COL28A1: variants seen among roughly 807,000 people sequenced by gnomAD.
The protein encoded by COL28A1 is collagen alpha-1(XXVIII) chain.
Under a neutral mutation model 150.2 loss-of-function variants are expected in COL28A1, and 161 were observed. That is an observed-to-expected ratio of 1.07 (90% confidence interval 0.94 to 1.22). The LOEUF is 1.22. Among genes scored for constraint, COL28A1 ranks in the 50% most tolerant of loss-of-function variants. The probability of loss-of-function intolerance (pLI) is 0.00; values close to 1 mark genes in which losing one functional copy is unlikely to be tolerated. For synonymous variants in COL28A1, 552 were observed against 469.7 expected (o/e 1.18, Z -2.26); for missense variants, 1,617 against 1,388.3 (o/e 1.16, Z -2.62).
chr7:7,382,688 C>T (rs1314678603), intron 27 of COL28A1, among the ~76,000 whole-genome samples: 10 of 152,104 alleles, frequency 6.6e-5, no homozygotes, highest in South Asian at 2.1e-4. Context: ...ACGGGCTCCT[C>T]GGGATTGATC....
chr7:7,466,487 A>G (rs1788091196), intron 15 of COL28A1, among the ~76,000 whole-genome samples: 1 of 99,566 alleles, frequency 1.0e-5, no homozygotes. Flanking sequence ...TGATTGGTGT[A>G]CCTGAAAGTG....
chr7:7,537,659 G>A (rs752374430), upstream of COL28A1, among the ~76,000 whole-genome samples: 1 of 152,172 alleles, frequency 6.6e-6, no homozygotes, highest in Non-Finnish European at 1.5e-5. Context: ...GAACGTCTGT[G>A]TTTTCACTGT....
intron 27 of COL28A1, among the ~76,000 whole-genome samples, chr7:7,409,817 G>C (rs1444592331): frequency 2.0e-5 from 3 of 152,082 alleles, no homozygotes; most frequent in African/African-American, 7.2e-5. Flanking sequence ...CAGCAAATCT[G>C]TGACTGTCAC....
chr7:7,416,160 A>G (rs1401826245), intron 27 of COL28A1, among the ~76,000 whole-genome samples: 1 of 152,210 alleles, frequency 6.6e-6, no homozygotes, highest in Non-Finnish European at 1.5e-5. Flanking sequence ...GCATCAGGCT[A>G]CAGCCCTAAG....
chr7:7,487,592 G>T (rs940966289), intron 13 of COL28A1, among the ~76,000 whole-genome samples: 2 of 152,102 alleles, frequency 1.3e-5, no homozygotes, highest in Non-Finnish European at 1.5e-5. Flanking sequence ...AATTAATTAT[G>T]ACTTATTTCT....
At chr7:7,523,499 T>A (rs924641640) in intron 4 of COL28A1, among the ~76,000 whole-genome samples, 1 of 152,000 alleles carries the variant, frequency 6.6e-6, no homozygotes, top group Non-Finnish European at 1.5e-5. Context: ...CATAATGGTA[T>A]ATCCGAACAT....
At chr7:7,506,566 T>G (rs759284202) in intron 10 of COL28A1, among the ~76,000 whole-genome samples, 3 of 152,140 alleles carry the variant, frequency 2.0e-5, no homozygotes, top group Non-Finnish European at 4.4e-5. Context: ...AATACTGAAA[T>G]TAACTCCTCA....
At chr7:7,348,259 CTA>C in the COL28A1 span, among the ~76,000 whole-genome samples, 1 of 152,030 alleles carries the variant, frequency 6.6e-6, no homozygotes, top group Non-Finnish European at 1.5e-5. Flanking sequence ...TCTAGCTGCT[CTA>C]TGAGTTACGT....
intron 15 of COL28A1, among the ~76,000 whole-genome samples, chr7:7,461,960 C>A (rs376021433): frequency 8.9e-4 from 136 of 152,248 alleles, no homozygotes; most frequent in African/African-American, 3.1e-3. Context: ...ACTAACCAAC[C>A]AAAGCTAAGG....
Position 7,511,153 on chromosome 7 carries a change from G to A in COL28A1, c.883-18C>T. 1 of 1,594,846 alleles carries A rather than the reference G, an allele frequency of 6.3e-7. No individual in the cohort carries two copies. Among genetic ancestry groups the A allele is most frequent in the Non-Finnish European group, 8.6e-7 (1 of 1,163,172 alleles). ...CGTTCACCCTAAAAAATAAATAAGT[G>A]AAATAAATAAGAGAACACTTGCAGT... On this transcript the variant is annotated intron_variant, in intron 8 of 34. Coordinates refer to ENST00000399429, the MANE Select transcript of COL28A1 (RefSeq NM_001037763.3).
At chr7:7,408,799 G>T (rs1001477438) in intron 27 of COL28A1, among the ~76,000 whole-genome samples, 7 of 152,106 alleles carry the variant, frequency 4.6e-5, no homozygotes, top group Non-Finnish European at 1.0e-4. Flanking sequence ...AGGAAAAAAA[G>T]ACCTCACTTT....
downstream of COL28A1, among the ~76,000 whole-genome samples, chr7:7,354,074 C>T (rs1352028331): frequency 2.0e-5 from 3 of 151,506 alleles, no homozygotes; most frequent in Admixed American, 1.3e-4. Flanking sequence ...CTGACTGCAA[C>T]CTTGACCTCT....
At chr7:7,534,204 AG>A in intron 1 of COL28A1, among the ~76,000 whole-genome samples, 2 of 152,318 alleles carry the variant, frequency 1.3e-5, no homozygotes, top group Middle Eastern at 6.8e-3. Flanking sequence ...AACTTTGGAT[AG>A]GTATGACCAA....
At chr7:7,497,074 G>A (rs905287439) in intron 11 of COL28A1, among the ~76,000 whole-genome samples, 4 of 141,676 alleles carry the variant, frequency 2.8e-5, no homozygotes, top group African/African-American at 1.1e-4. Flanking sequence ...AGGAAGAAAG[G>A]AAGGAAGAAA....
At chr7:7,375,073 A>T (rs1781470665) in intron 31 of COL28A1, among the ~76,000 whole-genome samples, 1 of 152,202 alleles carries the variant, frequency 6.6e-6, no homozygotes, top group Non-Finnish European at 1.5e-5. Flanking sequence ...AAAAACACAG[A>T]CATTCTAATC....
At chr7:7,384,474 G>A (rs779428795) in intron 27 of COL28A1, among the ~76,000 whole-genome samples, 1 of 152,176 alleles carries the variant, frequency 6.6e-6, no homozygotes, top group Non-Finnish European at 1.5e-5. Context: ...GTATAGTACA[G>A]TAAGATATTT....
chr7:7,486,512 T>A (rs1276360485), intron 13 of COL28A1, among the ~76,000 whole-genome samples: 1 of 152,226 alleles, frequency 6.6e-6, no homozygotes, highest in Non-Finnish European at 1.5e-5. Flanking sequence ...TTTGTCTTGT[T>A]CCTGATCTTA....
At chr7:7,398,617 T>G (rs987872899) in intron 27 of COL28A1, among the ~76,000 whole-genome samples, 1 of 152,230 alleles carries the variant, frequency 6.6e-6, no homozygotes, top group South Asian at 2.1e-4. Context: ...GCTTTTCCAG[T>G]TGGACTCAGT....
chr7:7,358,691 C>G lies in COL28A1; in HGVS notation c.3320G>C (p.Gly1107Ala), dbSNP rs1439712105. 1 of 1,613,998 alleles carries G rather than the reference C, an allele frequency of 6.2e-7. No homozygotes were observed. Among genetic ancestry groups the G allele is most frequent in the Non-Finnish European group, 8.5e-7 (1 of 1,179,946 alleles). ...TTCACTGTTGAATCTATTTCCTGAGCCATTACAGCCACTGAACCAAAATCG... is the reference window on the plus strand; with the variant it reads ...TTCACTGTTGAATCTATTTCCTGAGGCATTACAGCCACTGAACCAAAATCG... ...CARFWFSGCN[G>A]SGNRFNSEKE... Residue 1107 changes from glycine to alanine, a missense_variant, in exon 35 of 35, where the codon GGC becomes GCC. Gly to Ala is a moderately conservative substitution (Grantham distance 60). Coordinates refer to ENST00000399429, the MANE Select transcript of COL28A1 (RefSeq NM_001037763.3).
Sources: gnomAD v4.1 joint callset for allele counts (sites outside exome capture counted in the v4.1 genomes callset) on GRCh38, gnomAD v4.1.1 for gene constraint, MANE v1.5 for transcripts, NCBI Gene and HGNC (gene_info 2026-07-23, HGNC 2026-07-21) for gene names.